ROBO2: variants seen among roughly 807,000 people sequenced by gnomAD.
ROBO2 encodes the protein roundabout homolog 2.
A neutral mutation model predicts 160.8 loss-of-function variants in ROBO2; 53 were observed. The ratio of observed to expected loss-of-function variants is 0.33; its 90% confidence interval spans 0.26 to 0.41. The LOEUF (loss-of-function observed/expected upper bound fraction) is 0.41. ROBO2 is among the 10% of genes least tolerant of loss of function. ROBO2 has a pLI of 1.00. For missense variants in ROBO2, 1,577 were observed against 1,722.4 expected (o/e 0.92, Z 1.49); for synonymous variants, 664 against 611.7 (o/e 1.09, Z -1.26).
intron 2 of ROBO2, among the ~76,000 whole-genome samples, chr3:76,252,641 A>T (rs575155736): frequency 1.3e-5 from 2 of 152,030 alleles, no homozygotes; most frequent in South Asian, 4.1e-4. Context: ...AAATAAAAAA[A>T]GGTATGTTGT....
intron 5 of ROBO2, among the ~76,000 whole-genome samples, chr3:77,503,671 T>A (rs1169890957): frequency 1.3e-5 from 2 of 152,006 alleles, no homozygotes; most frequent in Non-Finnish European, 2.9e-5. Context: ...TATCAATAGT[T>A]CCATGGATGG....
At chr3:77,256,666 T>C (rs1292054201) in intron 2 of ROBO2, among the ~76,000 whole-genome samples, 2 of 152,180 alleles carry the variant, frequency 1.3e-5, no homozygotes, top group African/African-American at 4.8e-5. Flanking sequence ...TGGAGAATAT[T>C]GATGGAGAAA....
At chr3:76,900,104 A>C (rs910686477) in intron 2 of ROBO2, among the ~76,000 whole-genome samples, 1 of 152,136 alleles carries the variant, frequency 6.6e-6, no homozygotes, top group Admixed American at 6.6e-5. Context: ...CAGCAGCCAA[A>C]GCTTGTGCCC....
chr3:76,019,105 G>A (rs1007201584), intron 2 of ROBO2, among the ~76,000 whole-genome samples: 2 of 151,378 alleles, frequency 1.3e-5, no homozygotes, highest in Admixed American at 6.6e-5. Flanking sequence ...GAAGTTCTGT[G>A]CGTATCTGCG....
intron 2 of ROBO2, among the ~76,000 whole-genome samples, chr3:77,334,918 T>C (rs2066337642): frequency 6.6e-6 from 1 of 152,170 alleles, no homozygotes; most frequent in Admixed American, 6.5e-5. Flanking sequence ...ATCTATATTA[T>C]TCCATTTGAC....
intron 2 of ROBO2, among the ~76,000 whole-genome samples, chr3:76,976,679 A>G (rs2059831018): frequency 6.6e-6 from 1 of 152,182 alleles, no homozygotes; most frequent in African/African-American, 2.4e-5. Context: ...GTGCTTTACT[A>G]CCTTGCAAAC....
chr3:76,720,321 G>T (rs924348167), intron 2 of ROBO2, among the ~76,000 whole-genome samples: 2 of 152,158 alleles, frequency 1.3e-5, no homozygotes, highest in African/African-American at 4.8e-5. Flanking sequence ...AAGCCATCCA[G>T]TCTGTGATAT....
At chr3:76,550,122 T>G (rs1020808021) in intron 2 of ROBO2, among the ~76,000 whole-genome samples, 1 of 152,240 alleles carries the variant, frequency 6.6e-6, no homozygotes, top group South Asian at 2.1e-4. Flanking sequence ...TATTTTGCCA[T>G]GTATCTTCAC....
chr3:77,015,198 T>A (rs989399610), intron 2 of ROBO2, among the ~76,000 whole-genome samples: 1 of 152,170 alleles, frequency 6.6e-6, no homozygotes, highest in African/African-American at 2.4e-5. Context: ...CAAAATCAAT[T>A]TAACAAGAGT....
intron 2 of ROBO2, among the ~76,000 whole-genome samples, chr3:76,172,218 C>T (rs1356644661): frequency 6.7e-6 from 1 of 149,838 alleles, no homozygotes; most frequent in African/African-American, 2.5e-5. Flanking sequence ...TGTTCTCACT[C>T]ATAGGTGGGA....
chr3:76,515,435 C>A (rs968603259), intron 2 of ROBO2, among the ~76,000 whole-genome samples: 1 of 151,882 alleles, frequency 6.6e-6, no homozygotes, highest in Non-Finnish European at 1.5e-5. Context: ...GAATATAGTA[C>A]ATCTCCTTTC....
chr3:77,225,114 C>G (rs1360646020), intron 2 of ROBO2, among the ~76,000 whole-genome samples: 1 of 151,740 alleles, frequency 6.6e-6, no homozygotes. Context: ...TTATCTATCC[C>G]TCCTGTTCTT....
At chr3:76,948,906 A>T (rs1435029637) in intron 2 of ROBO2, among the ~76,000 whole-genome samples, 67 of 20,824 alleles carry the variant, frequency 3.2e-3, no homozygotes, top group African/African-American at 0.012. Context: ...ATATATATAT[A>T]TATTTTTTTT....
At chr3:76,943,543 T>C (rs1461024001) in intron 2 of ROBO2, among the ~76,000 whole-genome samples, 1 of 152,218 alleles carries the variant, frequency 6.6e-6, no homozygotes, top group Non-Finnish European at 1.5e-5. Context: ...ATACGATTGC[T>C]TCTTTGTAAA....
chr3:77,231,498 G>C (rs1351416821), intron 2 of ROBO2, among the ~76,000 whole-genome samples: 3 of 151,896 alleles, frequency 2.0e-5, no homozygotes, highest in Non-Finnish European at 4.4e-5. Context: ...TTTATTGGGT[G>C]CTTTAATTAT....
intron 2 of ROBO2, among the ~76,000 whole-genome samples, chr3:76,271,772 A>G (rs1162283579): frequency 6.6e-6 from 1 of 151,794 alleles, no homozygotes; most frequent in Non-Finnish European, 1.5e-5. Context: ...CCTCACAAAC[A>G]TAAACACACA....
intron 2 of ROBO2, among the ~76,000 whole-genome samples, chr3:77,296,186 A>G (rs979854690): frequency 5.3e-5 from 8 of 151,870 alleles, no homozygotes; most frequent in East Asian, 2.0e-4. Flanking sequence ...AGATCACCCC[A>G]GACATAAAGT....
intron 2 of ROBO2, among the ~76,000 whole-genome samples, chr3:76,068,692 A>G (rs1316565296): frequency 6.6e-6 from 1 of 152,172 alleles, no homozygotes; most frequent in Non-Finnish European, 1.5e-5. Flanking sequence ...TCTGATCCTG[A>G]GAGCAAAACT....
intron 5 of ROBO2, among the ~76,000 whole-genome samples, chr3:77,494,202 A>G (rs972258014): frequency 2.0e-5 from 3 of 152,198 alleles, no homozygotes; most frequent in Non-Finnish European, 2.9e-5. Context: ...ACCTGCTGAT[A>G]TTATAACCAT....
Sources: allele counts gnomAD v4.1 joint callset (sites outside exome capture counted in the v4.1 genomes callset), GRCh38; gene constraint gnomAD v4.1.1; transcripts MANE v1.5; gene names NCBI Gene and HGNC (gene_info 2026-07-23, HGNC 2026-07-21).